HECW2: variants seen among roughly 807,000 people sequenced by gnomAD.
HECW2 encodes the protein HECT, C2 and WW domain containing E3 ubiquitin protein ligase 2, also known as E3 ubiquitin-protein ligase HECW2.
In HECW2, 61 loss-of-function variants were observed where a neutral mutation model predicts 175.2. The observed-to-expected ratio is 0.35, with a 90% CI of 0.28 to 0.43. The LOEUF is 0.43. Ranked by LOEUF, HECW2 falls within the 20% of genes least tolerant of loss-of-function variation. The probability of loss-of-function intolerance (pLI) is 1.00; values close to 1 mark genes in which losing one functional copy is unlikely to be tolerated. For synonymous variants in HECW2, 671 were observed against 731.0 expected (o/e 0.92, Z 1.32); for missense variants, 1,524 against 2,000.5 (o/e 0.76, Z 4.54).
chr2:196,565,416 A>T (rs1463502889), intron 1 of HECW2, among the ~76,000 whole-genome samples: 1 of 151,846 alleles, frequency 6.6e-6, no homozygotes, highest in Non-Finnish European at 1.5e-5. Context: ...TGCTAAGTTT[A>T]AAAAAAAATT....
At chr2:196,415,321 A>T (rs972144783) in intron 2 of HECW2, among the ~76,000 whole-genome samples, 2 of 152,232 alleles carry the variant, frequency 1.3e-5, no homozygotes, top group Non-Finnish European at 2.9e-5. Context: ...ATGAGATTGA[A>T]AAAATGGCAT....
rs1696547097 is a variant in HECW2 at position 196,457,190 on chromosome 2, C to G, written c.-35-23732G>C. Among the ~76,000 whole-genome samples the G allele has an allele frequency of 2.0e-5, 3 of 152,224 alleles. No homozygotes were observed. In the South Asian group the frequency reaches 6.2e-4, roughly 32 times the overall value. On this transcript the variant is annotated intron_variant, in intron 1 of 28. Transcript: ENST00000644978. Reference sequence around the variant, plus strand: ...TACACATATGTCTCTGCTCTGATGTCATAAAGCTTTGATCACATCAAGTTT... The same window carrying G: ...TACACATATGTCTCTGCTCTGATGTGATAAAGCTTTGATCACATCAAGTTT...
intron 1 of HECW2, among the ~76,000 whole-genome samples, chr2:196,550,437 AT>A (rs1689573258): frequency 6.6e-6 from 1 of 151,818 alleles, no homozygotes. Flanking sequence ...AAAAAAAAAA[AT>A]TAAGAAACAT....
intron 5 of HECW2, among the ~76,000 whole-genome samples, chr2:196,326,004 G>A (rs1692136658): frequency 6.6e-6 from 1 of 152,204 alleles, no homozygotes; most frequent in East Asian, 1.9e-4. Flanking sequence ...GAGAATATCA[G>A]TTTGAATAAG....
At chr2:196,348,234 T>C (rs555296560) in intron 2 of HECW2, among the ~76,000 whole-genome samples, 2 of 152,360 alleles carry the variant, frequency 1.3e-5, no homozygotes, top group South Asian at 4.1e-4. Flanking sequence ...ATGGATTTTT[T>C]TGTATAGGCC....
intron 2 of HECW2, among the ~76,000 whole-genome samples, chr2:196,379,664 G>A (rs1232769841): frequency 3.0e-5 from 4 of 132,252 alleles, no homozygotes; most frequent in African/African-American, 9.3e-5. Context: ...CAGCCTGGGC[G>A]ACAGAGCAAT....
In HECW2 at chr2:196,242,071, C is replaced by T. The variant is rs1688477400; in HGVS notation, c.3650+13G>A. ...CATCTATACATTATGTGGTTTGTGT[C>T]ACTTTGACTTACTTTAACTTCCCTG... On this transcript the variant is annotated intron_variant, in intron 20 of 28. Transcript: ENST00000644978. 2 of 1,613,580 alleles carry T rather than the reference C, an allele frequency of 1.2e-6. No homozygotes were observed. The highest frequency in any genetic ancestry group is 1.3e-5 in the African/African-American group (1 of 75,052).
chr2:196,447,881 C>A (rs749185085), intron 1 of HECW2, among the ~76,000 whole-genome samples: 22 of 152,044 alleles, frequency 1.4e-4, no homozygotes, highest in Admixed American at 2.6e-4. Context: ...TATGGTGAAA[C>A]CCCATCTCTA....
chr2:196,522,318 T>C (rs1688431953), intron 1 of HECW2, among the ~76,000 whole-genome samples: 1 of 152,232 alleles, frequency 6.6e-6, no homozygotes, highest in Non-Finnish European at 1.5e-5. Flanking sequence ...TGCCCACTTT[T>C]TGATGGGGTT....
intron 1 of HECW2, among the ~76,000 whole-genome samples, chr2:196,573,611 A>T (rs1018246876): frequency 2.0e-5 from 3 of 152,118 alleles, no homozygotes; most frequent in African/African-American, 4.8e-5. Context: ...TCTTAATAGG[A>T]CCTGACTCAG....
At chr2:196,437,609 CT>C (rs1695916325) in intron 1 of HECW2, among the ~76,000 whole-genome samples, 1 of 1,008 alleles carries the variant, frequency 9.9e-4, no homozygotes, top group African/African-American at 1.4e-3. Flanking sequence ...GAGACTCTGT[CT>C]CAAAAAAAAA....
rs374219717 is a variant in HECW2, at chr2:196,533,329, G to T, written c.-36+60179C>A. On this transcript the variant is annotated intron_variant, in intron 1 of 28. Transcript: ENST00000644978. ...GACCTCTATCTATTTCCAGTGTTAA[G>T]TTTCTAGCATAAAAATGTTTATTAT... 7.2e-5 allele frequency among the ~76,000 whole-genome samples: 11 copies of T among 152,314 alleles called. No individual in the cohort carries two copies. The East Asian group carries it at 1.5e-3, about 21-fold the overall frequency.
intron 10 of HECW2, among the ~76,000 whole-genome samples, chr2:196,309,857 G>A (rs930127381): frequency 1.3e-5 from 2 of 152,176 alleles, no homozygotes; most frequent in African/African-American, 4.8e-5. Context: ...CTAAAATTTG[G>A]CTCTTAATTT....
intron 2 of HECW2, among the ~76,000 whole-genome samples, chr2:196,398,637 A>G (rs1694736623): frequency 6.6e-6 from 1 of 152,054 alleles, no homozygotes; most frequent in East Asian, 1.9e-4. Context: ...ATCTTTCTCT[A>G]TTAAACATGT....
rs138189364 is a variant in HECW2 at position 196,317,340 on chromosome 2, G to A, written c.2368C>T (p.Arg790Ter). ...GSQANGHQPL[R>*]SLPSVRQDVS... ...TCCTGGCGCACTGAAGGTAGTGATC[G>A]CAGTGGCTGGTGGCCGTTGGCTTGA... is the stretch of plus-strand genomic sequence containing the variant. The change falls in exon 10 of 29, where the codon CGA becomes TGA. Residue 790 changes from arginine to a stop codon, truncating the protein, a stop_gained. Transcript: ENST00000644978. LOFTEE classifies it high-confidence loss of function. 4 of 1,613,182 alleles carry A rather than the reference G, an allele frequency of 2.5e-6. No individual in the cohort carries two copies. The highest frequency in any genetic ancestry group is 3.4e-6 in the Non-Finnish European group (4 of 1,179,718).
At chr2:196,446,792 C>T (rs985035493) in intron 1 of HECW2, among the ~76,000 whole-genome samples, 2 of 152,164 alleles carry the variant, frequency 1.3e-5, no homozygotes, top group African/African-American at 4.8e-5. Context: ...GGAATAACCA[C>T]ATTAGGAAGA....
intron 1 of HECW2, among the ~76,000 whole-genome samples, chr2:196,503,843 C>A (rs1285245601): frequency 6.6e-6 from 1 of 152,178 alleles, no homozygotes; most frequent in African/African-American, 2.4e-5. Flanking sequence ...TTAAATTACA[C>A]ACAACCCCCA....
rs150926127 is a variant in HECW2, at chr2:196,245,217, G to A, written c.3530-3013C>T. On this transcript the variant is annotated intron_variant, in intron 19 of 28. Transcript: ENST00000644978. ...TAACAACAGGTCTTACTTGTTAAGCGCCTGCTGTACATTACAGATGATGCA... is the reference window on the plus strand; with the variant it reads ...TAACAACAGGTCTTACTTGTTAAGCACCTGCTGTACATTACAGATGATGCA... Among the ~76,000 whole-genome samples, 29 of 152,322 alleles carry A rather than the reference G, an allele frequency of 1.9e-4. No homozygotes were observed. The East Asian group carries it at 4.8e-3, about 25-fold the overall frequency.
rs766362692 is a variant in HECW2, at chr2:196,228,191, T to C, written c.3828A>G (p.Pro1276=). The change falls in exon 22 of 29, where the codon CCA becomes CCG. Residue 1276 remains proline (P), a synonymous_variant. Transcript: ENST00000644978. ...CTGAATATTCAAATAAGCCATAATATGGGTTAAAGAGTTCTCTGGATACCA... is the reference window on the plus strand; with the variant it reads ...CTGAATATTCAAATAAGCCATAATACGGGTTAAAGAGTTCTCTGGATACCA... ...FFLVSRELFN[P]YYGLFEYSAN... 1.1e-5 allele frequency: 18 copies of C among 1,613,562 alleles called. No homozygotes were observed. The highest frequency in any genetic ancestry group is 2.2e-5 in the East Asian group (1 of 44,834).
Sources: allele counts gnomAD v4.1 joint callset (sites outside exome capture counted in the v4.1 genomes callset), GRCh38; gene constraint gnomAD v4.1.1; transcripts MANE v1.5; gene names NCBI Gene and HGNC (gene_info 2026-07-23, HGNC 2026-07-21).